Variants in WDR45B observed in about 807,000 individuals in gnomAD.
The protein encoded by WDR45B is WD repeat domain 45B.
WDR45B carries 20 observed loss-of-function variants against 44.6 expected under a neutral mutation model. The observed-to-expected ratio is 0.45, with a 90% CI of 0.32 to 0.65. The LOEUF is 0.65. Ranked by LOEUF, WDR45B falls within the 30% of genes least tolerant of loss-of-function variation. The pLI is 0.05. For synonymous variants in WDR45B, 169 were observed against 164.9 expected (o/e 1.02, Z -0.19); for missense variants, 323 against 430.2 (o/e 0.75, Z 2.20).
chr17:82,621,701 T>G lies in WDR45B; in HGVS notation c.526A>C (p.Lys176Gln). Residue 176 changes from lysine to glutamine, a missense_variant, in exon 6 of 10, where the codon AAG becomes CAG. By Grantham distance (53) the Lys-to-Gln change is moderately conservative (BLOSUM62 1). Transcript: ENST00000392325. Reference sequence around the variant, plus strand: ...TGTGCAGGAATGTCCACGGGTGGCTTCTCCGTGCTGGCCAGGTCCACAAGC... The same window carrying G: ...TGTGCAGGAATGTCCACGGGTGGCTGCTCCGTGCTGGCCAGGTCCACAAGC... ...VQLVDLASTE[K>Q]PPVDIPAHEG... The G allele has an allele frequency of 6.2e-7, 1 of 1,614,146 alleles. No individual in the cohort carries two copies. Among genetic ancestry groups the G allele is most frequent in the Non-Finnish European group, 8.5e-7 (1 of 1,180,028 alleles).
intron 1 of WDR45B, among the ~76,000 whole-genome samples, chr17:82,647,402 A>G (rs1265272890): frequency 1.3e-5 from 2 of 152,054 alleles, no homozygotes; most frequent in Non-Finnish European, 2.9e-5. Flanking sequence ...CGCCCTTCAA[A>G]TGGGAGGTGA....
chr17:82,620,292 G>A (rs1179122836), intron 6 of WDR45B, among the ~76,000 whole-genome samples: 1 of 152,160 alleles, frequency 6.6e-6, no homozygotes, highest in African/African-American at 2.4e-5. Context: ...ACATTAGCCA[G>A]GCATGGCGGT....
At chr17:82,633,179 A>C (rs1028045681) in intron 2 of WDR45B, among the ~76,000 whole-genome samples, 4 of 151,822 alleles carry the variant, frequency 2.6e-5, no homozygotes, top group Non-Finnish European at 5.9e-5. Flanking sequence ...AAAAAAAAAA[A>C]AACCAGCACG....
intron 5 of WDR45B, among the ~76,000 whole-genome samples, chr17:82,622,269 TGA>T (rs1414089652): frequency 6.6e-6 from 1 of 152,202 alleles, no homozygotes; most frequent in Non-Finnish European, 1.5e-5. Context: ...ACAGAAGATC[TGA>T]GAGAGAGCTG....
chr17:82,619,052 T>G lies in WDR45B; in HGVS notation c.695A>C (p.Asn232Thr), dbSNP rs571251157. ...TTGGAGGTGCCCTTACCAGTAAATA[T>G]TGGCTGCTTGAGATCCTCTTCGCAG... ...QELRRGSQAANIYCINFNQDA... is the reference protein window; with the variant it reads ...QELRRGSQAATIYCINFNQDA... Residue 232 changes from asparagine to threonine, a missense_variant, in exon 7 of 10, where the codon AAT becomes ACT. Coordinates refer to ENST00000392325, the MANE Select transcript of WDR45B (RefSeq NM_019613.4). 6.2e-7 allele frequency: 1 copy of G among 1,614,150 alleles called. No individual in the cohort carries two copies. Among genetic ancestry groups the G allele is most frequent in the Admixed American group, 1.7e-5 (1 of 60,014 alleles).
chr17:82,640,760 T>C (rs1222285558), intron 2 of WDR45B, among the ~76,000 whole-genome samples: 1 of 152,068 alleles, frequency 6.6e-6, no homozygotes, highest in Non-Finnish European at 1.5e-5. Flanking sequence ...CATTTCACAT[T>C]AGGGCCTATC....
At chr17:82,617,481 T>C (rs1399740861) in intron 7 of WDR45B, 84 bp from the exon 8 acceptor site, 1 of 1,347,282 alleles carries the variant, frequency 7.4e-7, no homozygotes, top group Non-Finnish European at 1.1e-6. Context: ...GTCGACACTG[T>C]GGAACACCTC....
chr17:82,624,524 T>A (rs2045666198), intron 5 of WDR45B, among the ~76,000 whole-genome samples: 1 of 152,082 alleles, frequency 6.6e-6, no homozygotes, highest in Non-Finnish European at 1.5e-5. Context: ...CCTCCTAAAG[T>A]GCTGGGATTA....
Position 82,630,988 on chromosome 17 carries a change from CATTTCAACAT to C in WDR45B, c.167_176del (p.His56ArgfsTer8), listed in dbSNP as rs2045759839. 6.2e-7 allele frequency: 1 copy of C among 1,613,728 alleles called. No individual in the cohort carries two copies. Among genetic ancestry groups the C allele is most frequent in the Non-Finnish European group, 8.5e-7 (1 of 1,180,016 alleles). On this transcript the variant is annotated frameshift_variant, in exon 3 of 10. Coordinates refer to ENST00000392325, the MANE Select transcript of WDR45B (RefSeq NM_019613.4). LOFTEE classifies it high-confidence loss of function. The stretch of plus-strand genomic sequence containing the variant: ...AAGCTAAATAGTTGCAGCGAAATAA[CATTTCAACAT>C]GGCCAACTCCTCCTTCTAGAAATTC...
At chr17:82,637,591 C>T (rs1247816868) in intron 2 of WDR45B, among the ~76,000 whole-genome samples, 2 of 152,020 alleles carry the variant, frequency 1.3e-5, no homozygotes, top group Non-Finnish European at 2.9e-5. Context: ...TTCTGACTGA[C>T]CAGCTTCAAG....
chr17:82,621,991 G>A (rs1598261751), intron 5 of WDR45B, among the ~76,000 whole-genome samples, 192 bp from the exon 6 acceptor site: 1 of 152,224 alleles, frequency 6.6e-6, no homozygotes, highest in Non-Finnish European at 1.5e-5. Context: ...TACCTCGCAT[G>A]AGACCTCCTC....
chr17:82,616,310 G>A (rs1388422379), intron 9 of WDR45B, among the ~76,000 whole-genome samples: 1 of 152,214 alleles, frequency 6.6e-6, no homozygotes, highest in African/African-American at 2.4e-5. Context: ...GATTTCCTGG[G>A]GGAAACTGGA....
intron 2 of WDR45B, among the ~76,000 whole-genome samples, chr17:82,632,714 G>A (rs2045783497): frequency 6.6e-6 from 1 of 152,040 alleles, no homozygotes; most frequent in African/African-American, 2.4e-5. Context: ...AAGTTCCTCA[G>A]CTCGATCTTC....
chr17:82,620,995 T>C (rs2045607650), intron 6 of WDR45B, among the ~76,000 whole-genome samples: 1 of 151,948 alleles, frequency 6.6e-6, no homozygotes, highest in Non-Finnish European at 1.5e-5. Flanking sequence ...TATGAGAATA[T>C]GACAAAGCTG....
chr17:82,633,876 G>A (rs961208167), intron 2 of WDR45B, among the ~76,000 whole-genome samples: 3 of 151,996 alleles, frequency 2.0e-5, no homozygotes, highest in Admixed American at 6.6e-5. Flanking sequence ...AAGGCCAGGC[G>A]TGGTGGCTCA....
rs779110026 is a variant in WDR45B, at chr17:82,627,294, G to GA, written c.245-4dup. The GA allele has an allele frequency of 2.1e-5, 33 of 1,604,152 alleles. No homozygotes were observed. Among genetic ancestry groups the GA allele is most frequent in the Non-Finnish European group, 2.6e-5 (30 of 1,173,230 alleles). On this transcript the variant is annotated splice_region_variant and splice_polypyrimidine_tract_variant and intron_variant, in intron 3 of 9. Transcript: ENST00000392325. ...CTTCAGGTCATCCCAGATCATTACT[G>GA]AAATATCAGAAAGAAAAGATGAATG...
At chr17:82,619,916 C>T (rs1025657875) in intron 6 of WDR45B, among the ~76,000 whole-genome samples, 9 of 152,178 alleles carry the variant, frequency 5.9e-5, no homozygotes, top group African/African-American at 2.2e-4. Context: ...ATCTACCTGG[C>T]TAACCCGGAG....
At chr17:82,626,497 C>T (rs1035285261) in intron 4 of WDR45B, among the ~76,000 whole-genome samples, 1 of 137,030 alleles carries the variant, frequency 7.3e-6, no homozygotes, top group Non-Finnish European at 1.5e-5. Flanking sequence ...TGTGCCACTG[C>T]ACTCCAGTCT....
chr17:82,617,478 CT>C, intron 7 of WDR45B, 81 bp from the exon 8 acceptor site: 1 of 1,362,540 alleles, frequency 7.3e-7, no homozygotes, highest in Non-Finnish European at 1.0e-6. Flanking sequence ...CTTGTCGACA[CT>C]GTGGAACACC....
Sources: gnomAD v4.1 joint callset for allele counts (sites outside exome capture counted in the v4.1 genomes callset) on GRCh38, gnomAD v4.1.1 for gene constraint, MANE v1.5 for transcripts, NCBI Gene and HGNC (gene_info 2026-07-23, HGNC 2026-07-21) for gene names.